Variants in MOB3B observed in about 807,000 individuals in gnomAD.
The protein encoded by MOB3B is MOB kinase activator-like 2B.
Under a neutral mutation model 18.7 loss-of-function variants are expected in MOB3B, and 7 were observed. The observed-to-expected ratio is 0.37, with a 90% CI of 0.21 to 0.70. The LOEUF is 0.70. MOB3B is among the 30% of genes least tolerant of loss of function. MOB3B has a pLI of 0.52. For synonymous variants in MOB3B, 111 were observed against 99.9 expected (o/e 1.11, Z -0.66); for missense variants, 253 against 281.3 (o/e 0.90, Z 0.72).
chr9:27,385,822 C>T (rs1226734382), intron 2 of MOB3B, among the ~76,000 whole-genome samples: 1 of 152,260 alleles, frequency 6.6e-6, no homozygotes, highest in Non-Finnish European at 1.5e-5. Flanking sequence ...CACCTACTTG[C>T]TCCTTTTGAC....
intron 3 of MOB3B, among the ~76,000 whole-genome samples, chr9:27,340,186 CG>C (rs1428984154): frequency 6.6e-6 from 1 of 152,164 alleles, no homozygotes; most frequent in African/African-American, 2.4e-5. Context: ...GGCGTTTCCA[CG>C]ATGGAGGGGT....
chr9:27,391,030 T>G (rs1273247627), intron 2 of MOB3B, among the ~76,000 whole-genome samples: 1 of 152,180 alleles, frequency 6.6e-6, no homozygotes, highest in East Asian at 1.9e-4. Context: ...TCTACAGCAT[T>G]TTCTTATAGC....
chr9:27,512,573 A>C (rs979237974), intron 1 of MOB3B, among the ~76,000 whole-genome samples: 21 of 152,316 alleles, frequency 1.4e-4, no homozygotes, highest in Non-Finnish European at 2.5e-4. Flanking sequence ...TGACACAAGA[A>C]AGGCTAGCAT....
chr9:27,391,045 T>A (rs4606152), intron 2 of MOB3B, among the ~76,000 whole-genome samples: 1 of 151,976 alleles, frequency 6.6e-6, no homozygotes, highest in Non-Finnish European at 1.5e-5. Context: ...TATAGCAGCC[T>A]GAACAGAATA....
chr9:27,434,410 A>G (rs1238859272), intron 2 of MOB3B, among the ~76,000 whole-genome samples: 1 of 152,024 alleles, frequency 6.6e-6, no homozygotes, highest in Non-Finnish European at 1.5e-5. Flanking sequence ...CCACCATTAA[A>G]TGTGGTGTGC....
At chr9:27,408,950 T>G (rs1284681800) in intron 2 of MOB3B, among the ~76,000 whole-genome samples, 1 of 152,204 alleles carries the variant, frequency 6.6e-6, no homozygotes, top group Non-Finnish European at 1.5e-5. Context: ...AGCCTCCTGC[T>G]TAGTCATAAC....
chr9:27,426,007 C>T lies in MOB3B; in HGVS notation c.418+29126G>A, dbSNP rs371967610. ...GCAGAAGGAGGAGGGTGCTCTGTTT[C>T]TTTATGGAAAAGCAGGAGGAGTTGA... is the stretch of plus-strand genomic sequence containing the variant. On this transcript the variant is annotated intron_variant, in intron 2 of 3. Coordinates refer to ENST00000262244, the MANE Select transcript of MOB3B (RefSeq NM_024761.5). Among the ~76,000 whole-genome samples, 34 of 152,294 alleles carry T rather than the reference C, an allele frequency of 2.2e-4. No homozygotes were observed. The South Asian group carries it at 7.1e-3, about 32-fold the overall frequency.
At chr9:27,472,143 A>C (rs141414808) in intron 1 of MOB3B, among the ~76,000 whole-genome samples, 1 of 152,102 alleles carries the variant, frequency 6.6e-6, no homozygotes, top group Non-Finnish European at 1.5e-5. Flanking sequence ...GAAGGGTGTA[A>C]ATTTTTTCAT....
At chr9:27,452,846 G>T (rs1221013126) in intron 2 of MOB3B, among the ~76,000 whole-genome samples, 2 of 152,190 alleles carry the variant, frequency 1.3e-5, no homozygotes, top group Admixed American at 6.5e-5. Context: ...TAGAGAGTTA[G>T]AATGGTGATT....
intron 1 of MOB3B, among the ~76,000 whole-genome samples, chr9:27,525,383 T>G (rs1442771676): frequency 6.6e-6 from 1 of 152,174 alleles, no homozygotes; most frequent in Non-Finnish European, 1.5e-5. Flanking sequence ...CTATGAAAAT[T>G]CAGCACATTA....
At chr9:27,389,840 T>C (rs976673862) in intron 2 of MOB3B, among the ~76,000 whole-genome samples, 11 of 152,160 alleles carry the variant, frequency 7.2e-5, no homozygotes, top group African/African-American at 2.7e-4. Context: ...ATTTCCAGCC[T>C]GGACCGAGAC....
intron 1 of MOB3B, among the ~76,000 whole-genome samples, chr9:27,500,968 C>T (rs1156750154): frequency 6.6e-6 from 1 of 152,142 alleles, no homozygotes; most frequent in African/African-American, 2.4e-5. Context: ...CAAAAGAAGA[C>T]ATTTATGCGA....
chr9:27,398,470 T>C (rs11791503), intron 2 of MOB3B, among the ~76,000 whole-genome samples: 1 of 152,148 alleles, frequency 6.6e-6, no homozygotes, highest in Non-Finnish European at 1.5e-5. Context: ...GAATTGAAGA[T>C]CACAGTAGAC....
intron 2 of MOB3B, among the ~76,000 whole-genome samples, chr9:27,450,112 A>C (rs569436147): frequency 2.6e-5 from 4 of 152,280 alleles, no homozygotes; most frequent in Admixed American, 6.5e-5. Flanking sequence ...TTGCCACAGC[A>C]TGTGAGGGAG....
At chr9:27,503,787 G>A (rs1820021219) in intron 1 of MOB3B, among the ~76,000 whole-genome samples, 1 of 152,232 alleles carries the variant, frequency 6.6e-6, no homozygotes, top group African/African-American at 2.4e-5. Context: ...AGCATGCTTA[G>A]TTAGAGAGAG....
rs544396881 is a variant in MOB3B at position 27,495,136 on chromosome 9, C to A, written c.-199+34419G>T. ...TTGAGCCCAGGAGTTCAAGACCAGC[C>A]TGGGCAACCTGGTGAGACCTTGTCT... On this transcript the variant is annotated intron_variant, in intron 1 of 3. Transcript: ENST00000262244. Among the ~76,000 whole-genome samples, 3 of 152,036 alleles carry A rather than the reference C, an allele frequency of 2.0e-5. No homozygotes were observed. In the East Asian group the frequency reaches 5.8e-4, roughly 30 times the overall value.
intron 2 of MOB3B, among the ~76,000 whole-genome samples, chr9:27,373,885 G>A (rs1286387981): frequency 6.6e-6 from 1 of 152,226 alleles, no homozygotes; most frequent in Non-Finnish European, 1.5e-5. Flanking sequence ...CTGGTCTAAA[G>A]GTTTGTCAGT....
intron 1 of MOB3B, among the ~76,000 whole-genome samples, chr9:27,491,006 A>G: frequency 6.6e-6 from 1 of 151,946 alleles, no homozygotes; most frequent in East Asian, 1.9e-4. Context: ...CAGAAAATAA[A>G]GGATACCAGG....
intron 3 of MOB3B, among the ~76,000 whole-genome samples, chr9:27,357,123 T>TAA (rs1821200814): frequency 1.3e-5 from 1 of 79,422 alleles, no homozygotes; most frequent in Non-Finnish European, 2.5e-5. Context: ...GTAATGCAAA[T>TAA]ATATATATAT....
Sources: allele counts gnomAD v4.1 joint callset (sites outside exome capture counted in the v4.1 genomes callset), GRCh38; gene constraint gnomAD v4.1.1; transcripts MANE v1.5; gene names NCBI Gene and HGNC (gene_info 2026-07-23, HGNC 2026-07-21).